Variants in SPEF2 observed in about 807,000 individuals in gnomAD.
The protein encoded by SPEF2 is sperm flagella and cilia-associated protein 2.
In SPEF2, 187 loss-of-function variants were observed where a neutral mutation model predicts 224.6. The observed-to-expected ratio is 0.83, with a 90% CI of 0.74 to 0.94. SPEF2 has a LOEUF of 0.94. Among genes scored for constraint, SPEF2 ranks in the 40% least tolerant of loss-of-function variants. SPEF2 has a pLI of 0.00. For synonymous variants in SPEF2, 715 were observed against 707.3 expected (o/e 1.01, Z -0.17); for missense variants, 2,170 against 2,135.6 (o/e 1.02, Z -0.32).
intron 13 of SPEF2, among the ~76,000 whole-genome samples, chr5:35,695,412 C>T (rs768293994): frequency 7.3e-5 from 11 of 151,598 alleles, no homozygotes; most frequent in African/African-American, 2.2e-4. Context: ...AAAACTTGAC[C>T]GTCTTCTGAA....
intron 23 of SPEF2, among the ~76,000 whole-genome samples, chr5:35,752,684 A>G (rs1749844660): frequency 6.6e-6 from 1 of 152,282 alleles, no homozygotes; most frequent in African/African-American, 2.4e-5. Context: ...ATATAGTAGT[A>G]TATATTATTC....
intron 20 of SPEF2, among the ~76,000 whole-genome samples, chr5:35,719,675 G>T (rs189696004): frequency 3.7e-4 from 56 of 152,046 alleles, no homozygotes; most frequent in African/African-American, 1.3e-3. Flanking sequence ...AGGTTGGGGT[G>T]CAGTAGCGTG....
At chr5:35,725,424 A>AAAC (rs560382919) in intron 20 of SPEF2, among the ~76,000 whole-genome samples, 100 of 152,116 alleles carry the variant, frequency 6.6e-4, no homozygotes, top group African/African-American at 2.0e-3. Context: ...TCTTAAAAGA[A>AAAC]AACAACAACA....
chr5:35,705,812 T>C lies in SPEF2; in HGVS notation c.2665+4T>C, dbSNP rs79811188. On this transcript the variant is annotated splice_donor_region_variant and intron_variant, in intron 18 of 36. Coordinates refer to ENST00000356031, the MANE Select transcript of SPEF2 (RefSeq NM_024867.4). ...ATAGCAAAAAAAAAGAATAAAGGTA[T>C]TTACATTTGTTTATAGTTTTGAGTT... is the stretch of plus-strand genomic sequence containing the variant. 949 of 1,440,170 alleles carry C rather than the reference T, an allele frequency of 6.6e-4. 10 individuals are homozygous for C. The East Asian group carries it at 0.022, about 33-fold the overall frequency. 89.2% of individuals were successfully genotyped at this position (1,440,170 alleles called of 1,614,324 possible).
chr5:35,734,683 A>G (rs184993822), intron 21 of SPEF2, among the ~76,000 whole-genome samples: 1 of 145,992 alleles, frequency 6.8e-6, no homozygotes, highest in Non-Finnish European at 1.5e-5. Context: ...CACAACACTT[A>G]GTATGTGAAT....
chr5:35,630,182 G>A (rs182921062), intron 2 of SPEF2, among the ~76,000 whole-genome samples: 5 of 152,264 alleles, frequency 3.3e-5, no homozygotes, highest in Admixed American at 6.5e-5. Context: ...TGCATTCACA[G>A]GCTGGTGTTG....
intron 5 of SPEF2, among the ~76,000 whole-genome samples, chr5:35,648,733 A>G (rs1490553059): frequency 1.3e-5 from 2 of 152,226 alleles, no homozygotes; most frequent in African/African-American, 4.8e-5. Flanking sequence ...AATGTTTAAA[A>G]CACCCAGGAC....
At chr5:35,654,268 A>T (rs1748642437) in intron 6 of SPEF2, among the ~76,000 whole-genome samples, 1 of 152,234 alleles carries the variant, frequency 6.6e-6, no homozygotes, top group Non-Finnish European at 1.5e-5. Flanking sequence ...TCAAAAAAAA[A>T]AAAAAGGTGA....
chr5:35,664,537 A>T (rs1384372916), intron 8 of SPEF2, among the ~76,000 whole-genome samples: 2 of 151,984 alleles, frequency 1.3e-5, no homozygotes, highest in Admixed American at 6.6e-5. Context: ...AAAATTAGCC[A>T]GGTGTGATGG....
At chr5:35,626,549 A>T (rs1744287540) in intron 1 of SPEF2, among the ~76,000 whole-genome samples, 1 of 152,186 alleles carries the variant, frequency 6.6e-6, no homozygotes, top group South Asian at 2.1e-4. Context: ...TCCATAGACA[A>T]AAAAAGCATT....
In SPEF2 at chr5:35,618,015, C is replaced by T; in HGVS notation, c.18C>T (p.Cys6=). The change falls in exon 1 of 37, where the codon TGC becomes TGT. Residue 6 remains cysteine, a synonymous_variant. Transcript: ENST00000356031. MSEIL[C]QWLNKELKVS... is the part of the protein sequence containing the mutation. ...GCTGAACCATGTCGGAGATCCTGTG[C>T]CAGTGGCTCAACAAGGAGTTGAAGG... 1 of 1,585,674 alleles carries T rather than the reference C, an allele frequency of 6.3e-7. No homozygotes were observed. The highest frequency in any genetic ancestry group is 8.6e-7 in the Non-Finnish European group (1 of 1,163,260).
At chr5:35,647,699 G>A (rs1177365402) in intron 5 of SPEF2, among the ~76,000 whole-genome samples, 2 of 152,006 alleles carry the variant, frequency 1.3e-5, no homozygotes, top group African/African-American at 4.8e-5. Flanking sequence ...GCCAGTCAAG[G>A]TACACATAGC....
intron 2 of SPEF2, among the ~76,000 whole-genome samples, chr5:35,631,790 G>A (rs1328522195): frequency 6.6e-6 from 1 of 152,174 alleles, no homozygotes; most frequent in Admixed American, 6.5e-5. Context: ...ATTTCACAGA[G>A]TTCCAAAGAG....
chr5:35,643,734 C>T (rs143344933), intron 3 of SPEF2: 1 of 335,396 alleles, frequency 3.0e-6, no homozygotes, highest in East Asian at 7.5e-5. Context: ...TATTAAACAG[C>T]ATGCCTAGTG....
In SPEF2 at chr5:35,779,145, T is replaced by C. The variant is rs372414633; in HGVS notation, c.4246T>C (p.Tyr1416His). Reference sequence around the variant, plus strand: ...AGAAAAATTAACTGACGTAGCTCGCTATCACATTGAAACATCTACAAAAAT... The same window carrying C: ...AGAAAAATTAACTGACGTAGCTCGCCATCACATTGAAACATCTACAAAAAT... Reference protein sequence around the residue: ...STEKLTDVARYHIETSTKIQN... With the variant: ...STEKLTDVARHHIETSTKIQN... Residue 1416 changes from tyrosine to histidine, a missense_variant, in exon 30 of 37, where the codon TAT becomes CAT. Tyr to His is a moderately conservative substitution (Grantham distance 83, BLOSUM62 2). Transcript: ENST00000356031. 203 of 1,613,668 alleles carry C rather than the reference T, an allele frequency of 1.3e-4. No individual in the cohort carries two copies. In the African/African-American group the frequency reaches 2.3e-3, roughly 19 times the overall value.
intron 21 of SPEF2, among the ~76,000 whole-genome samples, chr5:35,735,238 C>G (rs879499107): frequency 6.6e-6 from 1 of 152,158 alleles, no homozygotes; most frequent in Non-Finnish European, 1.5e-5. Context: ...TTGATTTACT[C>G]ATTGGTTTGG....
intron 19 of SPEF2, among the ~76,000 whole-genome samples, chr5:35,712,251 T>TTTTA (rs1029323523): frequency 2.0e-5 from 3 of 151,826 alleles, no homozygotes; most frequent in Admixed American, 6.6e-5. Flanking sequence ...TATTTTATTA[T>TTTTA]TTTATTTATT....
At chr5:35,646,361 A>G (rs1747368483) in intron 4 of SPEF2, among the ~76,000 whole-genome samples, 1 of 152,266 alleles carries the variant, frequency 6.6e-6, no homozygotes, top group Admixed American at 6.5e-5. Flanking sequence ...GGAAAGAATT[A>G]TACACTTATT....
At position 35,697,748 on chromosome 5, in the gene SPEF2, G is replaced by C. The variant is rs188114474; in HGVS notation, c.2096G>C (p.Ser699Thr). The C allele has an allele frequency of 6.2e-7, 1 of 1,613,200 alleles. No individual in the cohort carries two copies. The highest frequency in any genetic ancestry group is 8.5e-7 in the Non-Finnish European group (1 of 1,179,598). ...KSEQLLKKGKSIPDVLLVDII... is the reference protein window; with the variant it reads ...KSEQLLKKGKTIPDVLLVDII... ...GAACAGTTGCTGAAGAAAGGAAAGA[G>C]CATTCCTGATGTGCTGCTTGTTGAC... The change falls in exon 15 of 37, where the codon AGC becomes ACC. Residue 699 changes from serine (S) to threonine (T), a missense_variant. By Grantham distance (58) the Ser-to-Thr change is moderately conservative. Coordinates refer to ENST00000356031, the MANE Select transcript of SPEF2 (RefSeq NM_024867.4).
Sources: gnomAD v4.1 joint callset for allele counts (sites outside exome capture counted in the v4.1 genomes callset) on GRCh38, gnomAD v4.1.1 for gene constraint, MANE v1.5 for transcripts, NCBI Gene and HGNC (gene_info 2026-07-23, HGNC 2026-07-21) for gene names.